SMARCA2: variants seen among roughly 807,000 people sequenced by gnomAD.
The protein encoded by SMARCA2 is SWI/SNF-related matrix-associated actin-dependent regulator of chromatin subfamily A member 2.
SMARCA2 carries 61 observed loss-of-function variants against 199.8 expected under a neutral mutation model. That is an observed-to-expected ratio of 0.31 (90% CI 0.25 to 0.38). The LOEUF is 0.38. Ranked by LOEUF, SMARCA2 falls within the 10% of genes least tolerant of loss-of-function variation. The probability of loss-of-function intolerance (pLI) is 1.00; values close to 1 mark genes in which losing one functional copy is unlikely to be tolerated. For synonymous variants in SMARCA2, 935 were observed against 732.0 expected (o/e 1.28, Z -4.48); for missense variants, 1,344 against 2,012.2 (o/e 0.67, Z 6.35).
At chr9:2,053,412 A>G (rs1820213335) in intron 5 of SMARCA2, among the ~76,000 whole-genome samples, 2 of 152,104 alleles carry the variant, frequency 1.3e-5, no homozygotes, top group South Asian at 2.1e-4. Context: ...ATTATCTATC[A>G]TTTTATTGCA....
At chr9:2,148,310 G>A (rs974161759) in intron 27 of SMARCA2, among the ~76,000 whole-genome samples, 1 of 151,592 alleles carries the variant, frequency 6.6e-6, no homozygotes, top group Admixed American at 6.6e-5. Context: ...CAAATGGCAA[G>A]AGCAGAGTGG....
In SMARCA2 at chr9:2,188,016, TAC is replaced by T. The variant is rs1827604222; in HGVS notation, c.4594+1791_4594+1792del. Among the ~76,000 whole-genome samples, 4 of 152,278 alleles carry T rather than the reference TAC, an allele frequency of 2.6e-5. No individual in the cohort carries two copies. The South Asian group carries it at 6.2e-4, about 24-fold the overall frequency. On this transcript the variant is annotated intron_variant, in intron 32 of 33. Transcript: ENST00000349721. ...TTACATGTATGTAGAGATATAGAAT[TAC>T]ACGTTTTTTTACCTTTTCAAATATA...
At chr9:2,109,532 G>T (rs1368490788) in intron 23 of SMARCA2, among the ~76,000 whole-genome samples, 1 of 152,126 alleles carries the variant, frequency 6.6e-6, no homozygotes, top group East Asian at 1.9e-4. Context: ...CCACCCCCAA[G>T]TATTTAACAT....
rs183357168 is a variant in SMARCA2 at position 2,064,991 on chromosome 9, T to C, written c.1692+4005T>C. On this transcript the variant is annotated intron_variant, in intron 9 of 33. Transcript: ENST00000349721. ...CGAAGTCAGGAGATCGAGACCATCC[T>C]GGCTAACATGTTGAAACCCCATCTC... is the stretch of plus-strand genomic sequence containing the variant. 6.0e-4 allele frequency among the ~76,000 whole-genome samples: 92 copies of C among 152,304 alleles called. 3 individuals carry two copies. In the South Asian group the frequency reaches 0.017, roughly 28 times the overall value.
chr9:2,151,013 A>G (rs1253100542), intron 27 of SMARCA2, among the ~76,000 whole-genome samples: 3 of 151,634 alleles, frequency 2.0e-5, no homozygotes, highest in African/African-American at 7.3e-5. Flanking sequence ...ACCTCAACGT[A>G]TGAATTTTAG....
intron 19 of SMARCA2, among the ~76,000 whole-genome samples, chr9:2,093,419 CAT>C (rs1822145088): frequency 6.6e-6 from 1 of 152,188 alleles, no homozygotes; most frequent in Non-Finnish European, 1.5e-5. Flanking sequence ...GAAAGCGAGT[CAT>C]GTGCTGGGAG....
At chr9:2,180,763 T>C (rs1288467035) in intron 29 of SMARCA2, among the ~76,000 whole-genome samples, 1 of 152,218 alleles carries the variant, frequency 6.6e-6, no homozygotes, top group Non-Finnish European at 1.5e-5. Context: ...CTCATATGCT[T>C]TGTAGCCTGT....
Position 2,182,156 on chromosome 9 carries a change from C to G in SMARCA2, c.4375C>G (p.His1459Asp). The G allele has an allele frequency of 6.2e-7, 1 of 1,608,888 alleles. No homozygotes were observed. The highest frequency in any genetic ancestry group is 2.2e-5 in the East Asian group (1 of 44,858). ...FKKIKERIRN[H>D]KYRSLGDLEK... ...TTTCCATCAGGAAAGGATTCGTAAT[C>G]ATAAGTACCGGAGCCTAGGCGACCT... Residue 1459 changes from histidine (H) to aspartate (D), a missense_variant, in exon 31 of 34, where the codon CAT becomes GAT. His to Asp is a moderately conservative substitution (Grantham distance 81). Transcript: ENST00000349721.
intron 23 of SMARCA2, among the ~76,000 whole-genome samples, chr9:2,106,681 G>A (rs940702742): frequency 1.3e-5 from 2 of 151,800 alleles, no homozygotes; most frequent in Non-Finnish European, 2.9e-5. Flanking sequence ...GACTTTAGGG[G>A]AAAAAAAATC....
At chr9:2,174,695 C>T (rs555053524) in intron 29 of SMARCA2, among the ~76,000 whole-genome samples, 9 of 152,048 alleles carry the variant, frequency 5.9e-5, no homozygotes, top group Admixed American at 3.9e-4. Flanking sequence ...CCGAGGCAAG[C>T]GGATTGCTTC....
At chr9:2,137,295 C>A (rs1026744330) in intron 27 of SMARCA2, among the ~76,000 whole-genome samples, 1 of 152,198 alleles carries the variant, frequency 6.6e-6, no homozygotes, top group African/African-American at 2.4e-5. Context: ...TACCAAAAAT[C>A]GGCCCTGATG....
At chr9:2,058,531 A>C in intron 8 of SMARCA2, 67 bp downstream of exon 8, 1 of 1,298,118 alleles carries the variant, frequency 7.7e-7, no homozygotes, top group Non-Finnish European at 1.1e-6. Flanking sequence ...GAGACCATTA[A>C]ATATGGTGGT....
chr9:2,158,370 T>A (rs2130743426), intron 27 of SMARCA2: 1 of 153,560 alleles, frequency 6.5e-6, no homozygotes, highest in East Asian at 1.9e-4. Context: ...TAAACTTCGC[T>A]GTAGTTGTGT....
rs1825648032 is a variant in SMARCA2 at position 2,161,097 on chromosome 9, T to A, written c.3982-589T>A. 5 of 156,042 alleles carry A rather than the reference T, an allele frequency of 3.2e-5. No individual in the cohort carries two copies. The allele number at this position is 156,042 out of a possible 1,614,324, so 9.7% of individuals were successfully genotyped here. On this transcript the variant is annotated intron_variant, in intron 27 of 33. Coordinates refer to ENST00000349721, the MANE Select transcript of SMARCA2 (RefSeq NM_003070.5). The surrounding 1 kb of genome is among the most constrained non-coding windows in gnomAD (Gnocchi z 4.7). The stretch of plus-strand genomic sequence containing the variant: ...TGTGTTCTTTATCGAATGATTTAAG[T>A]GCGTTTACCAAGGAATGTGGCTTTG...
chr9:2,065,382 C>G (rs1820793362), intron 9 of SMARCA2, among the ~76,000 whole-genome samples: 1 of 152,206 alleles, frequency 6.6e-6, no homozygotes. Flanking sequence ...TGAGGCAACA[C>G]TAGACCAGAT....
At chr9:2,021,282 A>G (rs1209398416) in intron 1 of SMARCA2, among the ~76,000 whole-genome samples, 2 of 152,250 alleles carry the variant, frequency 1.3e-5, no homozygotes, top group Non-Finnish European at 2.9e-5. Flanking sequence ...ATTAAATATA[A>G]TTGAAACTCC....
In SMARCA2 at chr9:2,086,800, A is replaced by G; in HGVS notation, c.2527-29A>G. 1 of 1,612,888 alleles carries G rather than the reference A, an allele frequency of 6.2e-7. No individual in the cohort carries two copies. On this transcript the variant is annotated intron_variant, in intron 17 of 33. Transcript: ENST00000349721. This position sits in a 1 kb window ranked among gnomAD's most constrained non-coding sequence, Gnocchi z 4.3. Reference sequence around the variant, plus strand: ...ATAGTTGTATTTTCCCTTGCTTACTACACGTCCGTCCTTCCTCTTGTGTTA... The same window carrying G: ...ATAGTTGTATTTTCCCTTGCTTACTGCACGTCCGTCCTTCCTCTTGTGTTA...
intron 22 of SMARCA2, among the ~76,000 whole-genome samples, chr9:2,102,066 A>G (rs1822540516): frequency 6.6e-6 from 1 of 152,138 alleles, no homozygotes. Context: ...AATGTTTTTC[A>G]TTAGCAATGG....
intron 29 of SMARCA2, among the ~76,000 whole-genome samples, chr9:2,173,288 G>A (rs1826355554): frequency 2.6e-5 from 4 of 152,188 alleles, no homozygotes; most frequent in Admixed American, 2.6e-4. Flanking sequence ...AGCCCTTGAT[G>A]TTGTGATGAT....
Sources: allele counts gnomAD v4.1 joint callset (sites outside exome capture counted in the v4.1 genomes callset), GRCh38; gene constraint gnomAD v4.1.1; non-coding constraint Gnocchi (gnomAD v3.1); transcripts MANE v1.5; gene names NCBI Gene and HGNC (gene_info 2026-07-23, HGNC 2026-07-21).